The following DMC1 variants were observed in gnomAD, a reference collection of about 807,000 sequenced individuals.
DMC1 encodes the protein DNA meiotic recombinase 1.
Under a neutral mutation model 50.1 loss-of-function variants are expected in DMC1, and 27 were observed. The observed-to-expected ratio is 0.54, with a 90% confidence interval of 0.40 to 0.74. The LOEUF is 0.74. DMC1 is among the 30% of genes least tolerant of loss of function. The pLI is 0.00. For synonymous variants in DMC1, 148 were observed against 136.1 expected (o/e 1.09, Z -0.61); for missense variants, 295 against 420.2 (o/e 0.70, Z 2.60).
At chr22:38,531,086 G>A (rs973005640) in intron 12 of DMC1, among the ~76,000 whole-genome samples, 1 of 152,130 alleles carries the variant, frequency 6.6e-6, no homozygotes, top group Non-Finnish European at 1.5e-5. Context: ...CATCCTTAGA[G>A]AATAAACTGA....
intron 2 of DMC1, 67 bp downstream of exon 2, chr22:38,568,139 C>T (rs1250476034): frequency 1.4e-6 from 2 of 1,399,436 alleles, no homozygotes; most frequent in Non-Finnish European, 1.0e-6. Context: ...TAGTAGCTAA[C>T]AGGGAAGGAA....
chr22:38,516,653 G>A (rs915879471), downstream of DMC1, among the ~76,000 whole-genome samples: 6 of 152,058 alleles, frequency 3.9e-5, no homozygotes, highest in African/African-American at 1.4e-4. Context: ...ATTATACTCA[G>A]GTCCTAAAGA....
intron 9 of DMC1, among the ~76,000 whole-genome samples, 195 bp downstream of exon 9, chr22:38,539,120 TCAAAGA>T (rs761083525): frequency 1.3e-5 from 2 of 152,122 alleles, no homozygotes; most frequent in Non-Finnish European, 2.9e-5. Flanking sequence ...ACTCTTAATT[TCAAAGA>T]CAAAGAATAA....
Position 38,519,696 on chromosome 22 carries a change from C to G in DMC1, c.*324G>C, listed in dbSNP as rs146208590. On this transcript the variant is annotated 3_prime_UTR_variant, in exon 14 of 14. Transcript: ENST00000216024. The stretch of plus-strand genomic sequence containing the variant: ...AGGGAATCACGTACTCCTTTCCCAA[C>G]AACTAGTTTTCCATAGGTATATATA... 28 of 301,258 alleles carry G rather than the reference C, an allele frequency of 9.3e-5. No individual in the cohort carries two copies. Among genetic ancestry groups the G allele is most frequent in the African/African-American group, 5.6e-4 (26 of 46,022 alleles). 18.7% of individuals were successfully genotyped at this position (301,258 alleles called of 1,614,324 possible). A position where few individuals can be genotyped will look rare whatever the true frequency, so the allele number is the denominator to read the frequency against.
At chr22:38,542,604 A>G (rs1050847455) in intron 8 of DMC1, among the ~76,000 whole-genome samples, 2 of 152,204 alleles carry the variant, frequency 1.3e-5, no homozygotes, top group Non-Finnish European at 1.5e-5. Flanking sequence ...TGGAAGAATC[A>G]GTACTGTTAA....
chr22:38,557,261 G>C (rs16999089), intron 5 of DMC1, among the ~76,000 whole-genome samples: 1 of 152,120 alleles, frequency 6.6e-6, no homozygotes, highest in South Asian at 2.1e-4. Context: ...AAATTTACCT[G>C]TGAGGATACC....
chr22:38,564,848 C>T (rs1430928195), intron 4 of DMC1, among the ~76,000 whole-genome samples: 1 of 152,120 alleles, frequency 6.6e-6, no homozygotes, highest in African/African-American at 2.4e-5. Flanking sequence ...CTTGTGGGTA[C>T]ACTGCCTGAG....
intron 12 of DMC1, among the ~76,000 whole-genome samples, chr22:38,529,467 G>T (rs547019494): frequency 6.6e-6 from 1 of 152,160 alleles, no homozygotes; most frequent in African/African-American, 2.4e-5. Context: ...AGGAGGAGAT[G>T]GGGGTGGATA....
chr22:38,526,025 A>G (rs2090084509), intron 12 of DMC1, among the ~76,000 whole-genome samples: 1 of 152,164 alleles, frequency 6.6e-6, no homozygotes, highest in African/African-American at 2.4e-5. Flanking sequence ...AAAGTCTAAC[A>G]AATGATTAAT....
chr22:38,512,971 C>T, the DMC1 span, among the ~76,000 whole-genome samples: 1 of 151,940 alleles, frequency 6.6e-6, no homozygotes, highest in African/African-American at 2.4e-5. Context: ...GTAATCCCAG[C>T]TACTCGGGAG....
intron 12 of DMC1, among the ~76,000 whole-genome samples, chr22:38,536,228 A>C (rs370313949): frequency 9.9e-4 from 150 of 151,554 alleles, no homozygotes; most frequent in African/African-American, 3.1e-3. Flanking sequence ...AAAAAAAAAA[A>C]ACACACACAC....
intron 7 of DMC1, 68 bp from the exon 8 acceptor site, chr22:38,550,065 CA>C: frequency 8.9e-7 from 1 of 1,118,520 alleles, no homozygotes; most frequent in South Asian, 1.3e-5. Context: ...TATATAAATA[CA>C]CATGGAATCT....
At chr22:38,549,651 T>TAAGCA (rs1311499459) in intron 8 of DMC1, 2 of 334,630 alleles carry the variant, frequency 6.0e-6, no homozygotes, top group Non-Finnish European at 1.1e-5. Context: ...TTCTAACTAT[T>TAAGCA]AAGCAACATC....
intron 7 of DMC1, among the ~76,000 whole-genome samples, chr22:38,550,577 G>A (rs546000911): frequency 6.6e-6 from 1 of 150,512 alleles, no homozygotes; most frequent in South Asian, 2.1e-4. Flanking sequence ...CTCCCAAAGT[G>A]CTGGGATTAC....
At chr22:38,533,850 T>G (rs775433564) in intron 12 of DMC1, among the ~76,000 whole-genome samples, 2 of 152,204 alleles carry the variant, frequency 1.3e-5, no homozygotes, top group Non-Finnish European at 2.9e-5. Context: ...CTTAATCATA[T>G]GATCAGAATT....
intron 12 of DMC1, among the ~76,000 whole-genome samples, chr22:38,522,197 C>T (rs940852223): frequency 1.6e-4 from 24 of 151,166 alleles, no homozygotes; most frequent in African/African-American, 5.1e-4. Context: ...ATGATCTGCC[C>T]GCCTGGGCCT....
At chr22:38,532,898 G>A (rs73157141) in intron 12 of DMC1, among the ~76,000 whole-genome samples, 4,639 of 152,080 alleles carry the variant, frequency 0.031, 122 homozygotes, top group Non-Finnish European at 0.05. Flanking sequence ...GTGAGCCACC[G>A]TGCTTGGCCG....
At chr22:38,528,619 G>T (rs2090121938) in intron 12 of DMC1, among the ~76,000 whole-genome samples, 1 of 151,796 alleles carries the variant, frequency 6.6e-6, no homozygotes, top group Non-Finnish European at 1.5e-5. Context: ...AACCCTATCT[G>T]TACAAAAAAT....
chr22:38,555,537 T>A, intron 5 of DMC1, 128 bp from the exon 6 acceptor site: 1 of 642,584 alleles, frequency 1.6e-6, no homozygotes, highest in Non-Finnish European at 2.8e-6. Flanking sequence ...TCTACCTATC[T>A]ATCTACAGAA....
Sources: gnomAD v4.1 joint callset for allele counts (sites outside exome capture counted in the v4.1 genomes callset) on GRCh38, gnomAD v4.1.1 for gene constraint, MANE v1.5 for transcripts, NCBI Gene and HGNC (gene_info 2026-07-23, HGNC 2026-07-21) for gene names.